CERT1: variants seen among roughly 807,000 people sequenced by gnomAD.
CERT1 encodes the protein ceramide transporter 1.
Under a neutral mutation model 87.9 loss-of-function variants are expected in CERT1, and 31 were observed. The observed-to-expected ratio is 0.35, with a 90% CI of 0.27 to 0.48. CERT1 has a LOEUF of 0.48. CERT1 is among the 20% of genes least tolerant of loss of function. CERT1 has a pLI of 0.99. For synonymous variants in CERT1, 289 were observed against 250.9 expected, an observed-to-expected ratio of 1.15 and a Z score of -1.44; for missense variants, 487 against 758.0, an observed-to-expected ratio of 0.64 and a Z score of 4.20.
Position 75,391,955 on chromosome 5 carries a change from T to G in CERT1, c.1189-2268A>C, listed in dbSNP as rs187209395. Among the ~76,000 whole-genome samples the G allele has an allele frequency of 1.5e-3, 226 of 152,342 alleles. 3 individuals are homozygous for G. Among genetic ancestry groups the G allele is most frequent in the Middle Eastern group, 0.014 (4 of 294 alleles). On this transcript the variant is annotated intron_variant, in intron 11 of 16. Coordinates refer to ENST00000643780, the MANE Select transcript of CERT1 (RefSeq NM_001379029.1). ...TGTGAAGAACAGAAGAATTTTATTC[T>G]GTTAAAAAACAGAATTGGGTTTAAA...
At chr5:75,374,484 A>C (rs771557591), downstream of CERT1, 9 of 723,946 alleles carry the variant, frequency 1.2e-5, no homozygotes, top group African/African-American at 3.4e-5. Context: ...AAGAAGGAAC[A>C]ATGGTTGTGC....
At chr5:75,377,692 C>G (rs1761378875), downstream of CERT1, 1 of 152,156 alleles carries the variant, frequency 6.6e-6, no homozygotes, top group African/African-American at 2.4e-5. Context: ...TTCATTCAAG[C>G]ATTAAAAACT....
chr5:75,389,733 T>A (rs771650782), intron 11 of CERT1, 46 bp from the exon 12 acceptor site: 1 of 1,432,882 alleles, frequency 7.0e-7, no homozygotes, highest in Non-Finnish European at 9.8e-7. Context: ...AGGTATGTCA[T>A]AATCTCTAAA....
At chr5:75,491,315 A>T (rs1580847835) in intron 2 of CERT1, among the ~76,000 whole-genome samples, 1 of 151,656 alleles carries the variant, frequency 6.6e-6, no homozygotes, top group Non-Finnish European at 1.5e-5. Flanking sequence ...GTCTTTAAAA[A>T]TTTTTTCCTT....
chr5:75,501,156 A>T (rs1034441895), intron 2 of CERT1, among the ~76,000 whole-genome samples: 9 of 151,900 alleles, frequency 5.9e-5, no homozygotes, highest in Non-Finnish European at 1.2e-4. Context: ...TGATTTGTGT[A>T]TTTTTTTGAT....
Position 75,400,422 on chromosome 5 carries a change from G to A in CERT1, c.1018-125C>T, listed in dbSNP as rs1762422934. 4.9e-6 allele frequency: 3 copies of A among 610,486 alleles called. No homozygotes were observed. The Admixed American group carries it at 9.3e-5, about 19-fold the overall frequency. The allele number at this position is 610,486 out of a possible 1,614,324, so 37.8% of individuals were successfully genotyped here. The stretch of plus-strand genomic sequence containing the variant: ...AACGCCTTAGTGCTTATAACCATTA[G>A]AATTATGAAACTACTCCGCAGACAT... On this transcript the variant is annotated intron_variant, in intron 9 of 16. Transcript: ENST00000643780.
Position 75,491,580 on chromosome 5 carries a change from T to A in CERT1, c.231+14402A>T, listed in dbSNP as rs561553718. On this transcript the variant is annotated intron_variant, in intron 2 of 16. Transcript: ENST00000643780. ...CTCTCCCTCACTAGTGCTCCTTCTG[T>A]CTTCTCAAGGAACATATCTTGGTCT... 1.4e-3 allele frequency among the ~76,000 whole-genome samples: 218 copies of A among 152,306 alleles called. 1 individual carries two copies. Among genetic ancestry groups the A allele is most frequent in the African/African-American group, 5.1e-3 (214 of 41,570 alleles).
intron 2 of CERT1, among the ~76,000 whole-genome samples, chr5:75,466,633 G>A (rs1272227492): frequency 6.6e-6 from 1 of 152,154 alleles, no homozygotes; most frequent in Non-Finnish European, 1.5e-5. Context: ...TAGCTAGGTG[G>A]CCCTTTCAGC....
At chr5:75,497,321 TA>T (rs1767123092) in intron 2 of CERT1, among the ~76,000 whole-genome samples, 1 of 152,234 alleles carries the variant, frequency 6.6e-6, no homozygotes, top group African/African-American at 2.4e-5. Context: ...AGACTACTAC[TA>T]TGTGCCAAGA....
chr5:75,417,846 A>C (rs1026302856), intron 6 of CERT1, among the ~76,000 whole-genome samples: 4 of 152,228 alleles, frequency 2.6e-5, no homozygotes, highest in Non-Finnish European at 5.9e-5. Flanking sequence ...TATATGAAGT[A>C]ACCTCAAAGC....
At chr5:75,390,566 A>C (rs922692578) in intron 11 of CERT1, among the ~76,000 whole-genome samples, 2 of 152,184 alleles carry the variant, frequency 1.3e-5, no homozygotes, top group African/African-American at 4.8e-5. Flanking sequence ...AATATTTCAC[A>C]CTACCAGAAT....
At chr5:75,418,366 T>A (rs1229682681) in intron 6 of CERT1, among the ~76,000 whole-genome samples, 1 of 152,206 alleles carries the variant, frequency 6.6e-6, no homozygotes, top group Admixed American at 6.5e-5. Flanking sequence ...ATATTAAGTG[T>A]TGGTGGGGAT....
chr5:75,400,113 AGAGT>A (rs1426543577), intron 10 of CERT1, 88 bp downstream of exon 10: 6 of 937,844 alleles, frequency 6.4e-6, no homozygotes, highest in Admixed American at 4.4e-5. Context: ...CTCTGGTGAC[AGAGT>A]GAGACTCCGT....
At chr5:75,415,990 C>A (rs1561246787) in intron 7 of CERT1, among the ~76,000 whole-genome samples, 1 of 152,130 alleles carries the variant, frequency 6.6e-6, no homozygotes, top group East Asian at 1.9e-4. Context: ...CTCTTTTCTT[C>A]TAAAACATGG....
intron 12 of CERT1, among the ~76,000 whole-genome samples, chr5:75,389,376 A>G (rs1319392838): frequency 1.3e-5 from 2 of 152,238 alleles, no homozygotes; most frequent in African/African-American, 2.4e-5. Context: ...GTTTAATCAT[A>G]TATTTATATT....
At chr5:75,449,276 A>G (rs945663294) in intron 3 of CERT1, among the ~76,000 whole-genome samples, 2 of 152,224 alleles carry the variant, frequency 1.3e-5, no homozygotes, top group African/African-American at 2.4e-5. Flanking sequence ...GTTATGAATA[A>G]ACAGGAATTA....
intron 2 of CERT1, among the ~76,000 whole-genome samples, chr5:75,502,158 T>C (rs558491702): frequency 3.3e-5 from 5 of 151,940 alleles, no homozygotes; most frequent in East Asian, 1.9e-4. Flanking sequence ...GCATAAGCAA[T>C]TGGAAAAGGA....
intron 17 of CERT1, chr5:75,371,324 C>T (rs535189896): frequency 3.3e-4 from 50 of 152,252 alleles, no homozygotes; most frequent in African/African-American, 1.2e-3. Flanking sequence ...CTGTACAACT[C>T]GGACTAAATA....
At chr5:75,486,588 G>C (rs1052078596) in intron 2 of CERT1, among the ~76,000 whole-genome samples, 1 of 151,924 alleles carries the variant, frequency 6.6e-6, no homozygotes, top group Non-Finnish European at 1.5e-5. Flanking sequence ...CCTTATATTT[G>C]AAACAACCTA....
Sources: gnomAD v4.1 joint callset for allele counts (sites outside exome capture counted in the v4.1 genomes callset) on GRCh38, gnomAD v4.1.1 for gene constraint, MANE v1.5 for transcripts, NCBI Gene and HGNC (gene_info 2026-07-23, HGNC 2026-07-21) for gene names.